The following AGAP1 variants were observed in gnomAD, a reference collection of about 807,000 sequenced individuals.
The protein encoded by AGAP1 is ArfGAP with GTPase domain, ankyrin repeat and PH domain 1.
In AGAP1, 29 loss-of-function variants were observed where a neutral mutation model predicts 105.3. That is an observed-to-expected ratio of 0.28 (90% CI 0.21 to 0.38). AGAP1 has a LOEUF of 0.38. Among genes scored for constraint, AGAP1 ranks in the 10% least tolerant of loss-of-function variants. The pLI is 1.00. For missense variants in AGAP1, 998 were observed against 1,165.1 expected, an observed-to-expected ratio of 0.86 and a Z score of 2.09; for synonymous variants, 509 against 485.9, an observed-to-expected ratio of 1.05 and a Z score of -0.63.
intron 1 of AGAP1, among the ~76,000 whole-genome samples, chr2:235,546,324 A>G (rs965753936): frequency 9.9e-5 from 15 of 152,154 alleles, no homozygotes; most frequent in Admixed American, 3.3e-4. Flanking sequence ...GTCCTTGATT[A>G]TATCCCACAA....
chr2:236,030,457 G>A (rs2057190544), intron 13 of AGAP1, among the ~76,000 whole-genome samples: 1 of 152,238 alleles, frequency 6.6e-6, no homozygotes, highest in Non-Finnish European at 1.5e-5. Flanking sequence ...AGGGAGCTCT[G>A]AGACCTGGGG....
chr2:235,766,117 G>C (rs1954930512), intron 6 of AGAP1, among the ~76,000 whole-genome samples: 1 of 152,140 alleles, frequency 6.6e-6, no homozygotes, highest in African/African-American at 2.4e-5. Flanking sequence ...TAAAAAACTT[G>C]GTAGTGAGCT....
intron 1 of AGAP1, among the ~76,000 whole-genome samples, chr2:235,702,934 G>GTTTTTTTGTTTTTTTTTTTTTTTTTTTTT (rs1950326770): frequency 1.1e-5 from 1 of 88,946 alleles, no homozygotes; most frequent in Non-Finnish European, 2.2e-5. Context: ...AGTTTTCTTG[G>GTTTTTTTGTTTTTTTTTTTTTTTTTTTTT]TTTTTTTTTT....
At position 235,513,990 on chromosome 2, in the gene AGAP1, T is replaced by C. The variant is rs191639644; in HGVS notation, c.163+19141T>C. Among the ~76,000 whole-genome samples, 305 of 152,342 alleles carry C rather than the reference T, an allele frequency of 2.0e-3. 5 individuals are homozygous for C. The highest frequency in any genetic ancestry group is 0.019 in the Admixed American group (290 of 15,306). ...AGCTTTTCAAGTTTTAACAGTTTGA[T>C]AACTCCCAGGCTCCTGTTGAGATGC... On this transcript the variant is annotated intron_variant, in intron 1 of 17. Coordinates refer to ENST00000304032, the MANE Select transcript of AGAP1 (RefSeq NM_001037131.3).
chr2:235,679,723 G>T (rs1442251683), intron 1 of AGAP1, among the ~76,000 whole-genome samples: 1 of 152,176 alleles, frequency 6.6e-6, no homozygotes, highest in Non-Finnish European at 1.5e-5. Context: ...TTCTCCTGGA[G>T]GGCTGGCACC....
intron 11 of AGAP1, among the ~76,000 whole-genome samples, chr2:235,923,650 T>C (rs1318339504): frequency 6.6e-6 from 1 of 152,186 alleles, no homozygotes. Flanking sequence ...CTGTGTGTGA[T>C]GTCACCGCAG....
intron 16 of AGAP1, among the ~76,000 whole-genome samples, chr2:236,068,523 G>A (rs944834660): frequency 2.9e-4 from 44 of 152,006 alleles, no homozygotes; most frequent in African/African-American, 1.0e-3. Flanking sequence ...ATCCTAGGCC[G>A]GGCGCGGTGG....
chr2:235,646,446 A>G (rs189393159), intron 1 of AGAP1, among the ~76,000 whole-genome samples: 48 of 152,318 alleles, frequency 3.2e-4, no homozygotes, highest in Non-Finnish European at 5.3e-4. Flanking sequence ...GAAATGCAAC[A>G]TTCTAAGATG....
chr2:235,841,399 C>T (rs957452068), intron 9 of AGAP1, among the ~76,000 whole-genome samples: 2 of 152,106 alleles, frequency 1.3e-5, no homozygotes, highest in African/African-American at 4.8e-5. Context: ...GAGGCCAAGG[C>T]GAGTGGATCC....
rs2057967690 is a variant in AGAP1, at chr2:236,053,504, C to T, written c.2114+4223C>T. 6.6e-6 allele frequency among the ~76,000 whole-genome samples: 1 copy of T among 152,248 alleles called. No individual in the cohort carries two copies. Among genetic ancestry groups the T allele is most frequent in the Non-Finnish European group, 1.5e-5 (1 of 68,050 alleles). ...TGGCCCGTTGTTCTTTATTGTTGTC[C>T]CCATTGCACTTAAAAACATTTGGGA... On this transcript the variant is annotated intron_variant, in intron 16 of 17. Transcript: ENST00000304032. This position sits in a 1 kb window ranked among gnomAD's most constrained non-coding sequence, Gnocchi z 4.6.
At chr2:235,778,720 C>T (rs1956069030) in intron 6 of AGAP1, among the ~76,000 whole-genome samples, 1 of 152,230 alleles carries the variant, frequency 6.6e-6, no homozygotes, top group African/African-American at 2.4e-5. Context: ...GGGCCCCACA[C>T]AAGGTAGGAC....
chr2:235,858,838 G>A (rs895527764), intron 9 of AGAP1, among the ~76,000 whole-genome samples: 1 of 152,172 alleles, frequency 6.6e-6, no homozygotes. Flanking sequence ...CATCAAAGTT[G>A]GTGGTAGCAA....
At chr2:235,814,570 T>C (rs1271609309) in intron 9 of AGAP1, among the ~76,000 whole-genome samples, 1 of 152,212 alleles carries the variant, frequency 6.6e-6, no homozygotes, top group Non-Finnish European at 1.5e-5. Flanking sequence ...AGAAAGTGTC[T>C]GCAGCCCCCA....
chr2:236,025,501 C>G (rs573216434), intron 13 of AGAP1, among the ~76,000 whole-genome samples: 2 of 152,310 alleles, frequency 1.3e-5, no homozygotes, highest in African/African-American at 4.8e-5. Flanking sequence ...TTCCTGTTCT[C>G]TCCACACAGA....
intron 11 of AGAP1, among the ~76,000 whole-genome samples, chr2:235,925,601 C>T (rs1184341953): frequency 6.6e-6 from 1 of 152,154 alleles, no homozygotes; most frequent in Non-Finnish European, 1.5e-5. Context: ...TTGGGCGTTT[C>T]CTTAAACTCA....
intron 1 of AGAP1, among the ~76,000 whole-genome samples, chr2:235,520,554 G>A (rs1398908474): frequency 7.2e-5 from 11 of 152,140 alleles, no homozygotes. Flanking sequence ...GGTCTGTGTG[G>A]TTCATCAGGA....
At chr2:235,675,490 C>T (rs1305980143) in intron 1 of AGAP1, among the ~76,000 whole-genome samples, 2 of 152,236 alleles carry the variant, frequency 1.3e-5, no homozygotes, top group African/African-American at 2.4e-5. Context: ...GAAAAGGACA[C>T]TAGTAAGGAA....
chr2:235,746,419 A>T (rs1359645549), intron 5 of AGAP1, among the ~76,000 whole-genome samples: 7 of 71,258 alleles, frequency 9.8e-5, no homozygotes, highest in Admixed American at 3.8e-4. Flanking sequence ...TTTAAAGCGT[A>T]CGTGGTCGCT....
chr2:235,596,391 C>T lies in AGAP1; in HGVS notation c.163+101542C>T, dbSNP rs371445333. Among the ~76,000 whole-genome samples, 5 of 152,292 alleles carry T rather than the reference C, an allele frequency of 3.3e-5. No individual in the cohort carries two copies. Among genetic ancestry groups the T allele is most frequent in the African/African-American group, 1.2e-4 (5 of 41,550 alleles). ...CAGGAGTCTACCTGGGGAGGGGCATCCCAGAGACTTACTCCAGCTGCTTAA... is the reference window on the plus strand; with the variant it reads ...CAGGAGTCTACCTGGGGAGGGGCATTCCAGAGACTTACTCCAGCTGCTTAA... On this transcript the variant is annotated intron_variant, in intron 1 of 17. Coordinates refer to ENST00000304032, the MANE Select transcript of AGAP1 (RefSeq NM_001037131.3). The surrounding 1 kb of genome is among the most constrained non-coding windows in gnomAD (Gnocchi z 5.9).
Sources: gnomAD v4.1 joint callset for allele counts (sites outside exome capture counted in the v4.1 genomes callset) on GRCh38, gnomAD v4.1.1 for gene constraint, Gnocchi (gnomAD v3.1) non-coding constraint, MANE v1.5 for transcripts, NCBI Gene and HGNC (gene_info 2026-07-23, HGNC 2026-07-21) for gene names.